SNTG1: variants seen among roughly 807,000 people sequenced by gnomAD.
The protein encoded by SNTG1 is syntrophin gamma 1.
In SNTG1, 39 loss-of-function variants were observed where a neutral mutation model predicts 74.7. The observed-to-expected ratio is 0.52, with a 90% CI of 0.40 to 0.68. The LOEUF (loss-of-function observed/expected upper bound fraction) is 0.68, where lower values mean the gene tolerates loss of function less well. Among genes scored for constraint, SNTG1 ranks in the 30% least tolerant of loss-of-function variants. SNTG1 has a pLI of 0.00. For missense variants in SNTG1, 685 were observed against 609.5 expected (o/e 1.12, Z -1.30); for synonymous variants, 254 against 217.1 (o/e 1.17, Z -1.49).
chr8:50,307,147 A>G (rs1437410760), intron 2 of SNTG1, among the ~76,000 whole-genome samples: 1 of 152,040 alleles, frequency 6.6e-6, no homozygotes. Flanking sequence ...TGAACTTTTT[A>G]AAGCTCTTGG....
intron 2 of SNTG1, among the ~76,000 whole-genome samples, chr8:50,188,191 T>C (rs2083450213): frequency 6.6e-6 from 1 of 152,198 alleles, no homozygotes; most frequent in African/African-American, 2.4e-5. Flanking sequence ...CAGTGAGGTC[T>C]ACCCACATGC....
At chr8:50,297,894 T>A (rs1055154768) in intron 2 of SNTG1, among the ~76,000 whole-genome samples, 2 of 150,696 alleles carry the variant, frequency 1.3e-5, no homozygotes, top group Non-Finnish European at 1.5e-5. Context: ...TTTTTTTTTT[T>A]ACAACAATTT....
At chr8:50,187,375 G>A (rs1413002266) in intron 2 of SNTG1, among the ~76,000 whole-genome samples, 1 of 151,976 alleles carries the variant, frequency 6.6e-6, no homozygotes, top group Non-Finnish European at 1.5e-5. Context: ...CATCTACAAC[G>A]ATCTGGTCTT....
At chr8:50,496,785 T>C (rs1585464262) in intron 8 of SNTG1, among the ~76,000 whole-genome samples, 1 of 152,174 alleles carries the variant, frequency 6.6e-6, no homozygotes, top group East Asian at 1.9e-4. Context: ...GCTAATACTT[T>C]ATCTGATTAA....
At chr8:49,931,825 T>C (rs1206374353) in intron 1 of SNTG1, among the ~76,000 whole-genome samples, 4 of 152,178 alleles carry the variant, frequency 2.6e-5, no homozygotes, top group Non-Finnish European at 5.9e-5. Flanking sequence ...CAAATGAAGT[T>C]TCAAAACTGG....
chr8:50,138,642 A>G (rs1174297965), intron 1 of SNTG1, among the ~76,000 whole-genome samples: 1 of 147,850 alleles, frequency 6.8e-6, no homozygotes, highest in African/African-American at 2.5e-5. Flanking sequence ...AATAATAATA[A>G]TAATAATAAT....
At chr8:50,778,713 T>C (rs1374818756) in intron 18 of SNTG1, among the ~76,000 whole-genome samples, 2 of 147,790 alleles carry the variant, frequency 1.4e-5, no homozygotes, top group Non-Finnish European at 2.9e-5. Context: ...TTTAATTAGA[T>C]CCCATTTGTC....
intron 1 of SNTG1, among the ~76,000 whole-genome samples, chr8:50,037,031 T>C (rs955414205): frequency 3.0e-4 from 45 of 152,348 alleles, no homozygotes; most frequent in Middle Eastern, 3.4e-3. Context: ...ATTTACACCA[T>C]AGATACATAA....
chr8:50,353,383 A>G lies in SNTG1; in HGVS notation c.-27-40829A>G, dbSNP rs141255225. On this transcript the variant is annotated intron_variant, in intron 2 of 18. Coordinates refer to ENST00000642720, the MANE Select transcript of SNTG1 (RefSeq NM_018967.5). ...ACAAACCTGAACGTAGTGCACATGT[A>G]CCCTAGAACTTAAAGTATAATAATA... is the stretch of plus-strand genomic sequence containing the variant. Among the ~76,000 whole-genome samples, 433 of 152,250 alleles carry G rather than the reference A, an allele frequency of 2.8e-3. 5 individuals carry two copies. Among genetic ancestry groups the G allele is most frequent in the Admixed American group, 0.019 (285 of 15,296 alleles).
At chr8:50,782,983 G>T (rs942395445) in intron 18 of SNTG1, among the ~76,000 whole-genome samples, 2 of 152,272 alleles carry the variant, frequency 1.3e-5, no homozygotes, top group Admixed American at 6.5e-5. Context: ...GACCCTGTTT[G>T]CCTGGGTACC....
At chr8:50,028,646 C>G (rs975984213) in intron 1 of SNTG1, among the ~76,000 whole-genome samples, 1 of 151,780 alleles carries the variant, frequency 6.6e-6, no homozygotes, top group South Asian at 2.1e-4. Flanking sequence ...TGCTAGATGA[C>G]GAGTTAGTGG....
chr8:50,289,047 CAT>C (rs1409259888), intron 2 of SNTG1, among the ~76,000 whole-genome samples: 1 of 152,124 alleles, frequency 6.6e-6, no homozygotes, highest in Non-Finnish European at 1.5e-5. Context: ...TCTGTTGCAA[CAT>C]GTTTTACATT....
At chr8:50,302,013 C>T (rs372792021) in intron 2 of SNTG1, among the ~76,000 whole-genome samples, 51 of 152,182 alleles carry the variant, frequency 3.4e-4, no homozygotes, top group African/African-American at 4.3e-4. Context: ...CCTGCCACCA[C>T]GCCCAGCTAC....
chr8:50,342,258 G>C (rs563403713), intron 2 of SNTG1, among the ~76,000 whole-genome samples: 38 of 152,120 alleles, frequency 2.5e-4, no homozygotes, highest in Middle Eastern at 3.4e-3. Flanking sequence ...CCACCTTCTG[G>C]AAGTTACAAT....
intron 1 of SNTG1, among the ~76,000 whole-genome samples, chr8:50,153,218 G>A (rs1012143001): frequency 1.4e-4 from 21 of 152,124 alleles, no homozygotes; most frequent in African/African-American, 5.1e-4. Context: ...GCTTGTGCAT[G>A]CATCAAATAG....
intron 12 of SNTG1, among the ~76,000 whole-genome samples, chr8:50,557,859 C>A (rs774758446): frequency 2.0e-5 from 3 of 152,218 alleles, no homozygotes; most frequent in Non-Finnish European, 2.9e-5. Flanking sequence ...TCTCCTATAG[C>A]AGTTCAGTTT....
In SNTG1 at chr8:50,708,987, TTCAGGTCAGC is replaced by T; in HGVS notation, c.1284+12_1284+21del. The T allele has an allele frequency of 6.2e-7, 1 of 1,601,674 alleles. No homozygotes were observed. The highest frequency in any genetic ancestry group is 8.6e-7 in the Non-Finnish European group (1 of 1,168,874). ...TTGATGCTGCAACAAAGGTAATGTG[TTCAGGTCAGC>T]TCTGAGAAATATGCTGCAAACATTC... On this transcript the variant is annotated intron_variant, in intron 17 of 18. Transcript: ENST00000642720.
chr8:50,724,201 GTCACTGGCTGTGGAAGATA>G (rs879944851), intron 17 of SNTG1, among the ~76,000 whole-genome samples: 10 of 152,058 alleles, frequency 6.6e-5, no homozygotes, highest in African/African-American at 9.7e-5. Context: ...AACAGGAAGG[GTCACTGGCTGTGGAAGATA>G]TCACAGATAT....
chr8:50,390,042 A>G (rs1425443611), intron 2 of SNTG1, among the ~76,000 whole-genome samples: 7 of 151,788 alleles, frequency 4.6e-5, no homozygotes, highest in Non-Finnish European at 7.4e-5. Flanking sequence ...TTGTCTGTTC[A>G]CTCTGATGGT....
Sources: allele counts gnomAD v4.1 joint callset (sites outside exome capture counted in the v4.1 genomes callset), GRCh38; gene constraint gnomAD v4.1.1; transcripts MANE v1.5; gene names NCBI Gene and HGNC (gene_info 2026-07-23, HGNC 2026-07-21).